PPCS: variants seen among roughly 807,000 people sequenced by gnomAD.
The protein encoded by PPCS is phosphopantothenate--cysteine ligase.
PPCS carries 17 observed loss-of-function variants against 24.6 expected under a neutral mutation model. The observed-to-expected ratio is 0.69, with a 90% CI of 0.47 to 1.04. The LOEUF (loss-of-function observed/expected upper bound fraction) is 1.04. Among genes scored for constraint, PPCS ranks in the 50% least tolerant of loss-of-function variants. The probability of loss-of-function intolerance (pLI) is 0.00; values close to 1 mark genes in which losing one functional copy is unlikely to be tolerated. For synonymous variants in PPCS, 190 were observed against 168.3 expected, an observed-to-expected ratio of 1.13 and a Z score of -1.00; for missense variants, 360 against 402.8, an observed-to-expected ratio of 0.89 and a Z score of 0.91.
downstream of PPCS, chr1:42,463,866 G>C (rs140700587): frequency 6.6e-6 from 1 of 152,226 alleles, no homozygotes; most frequent in African/African-American, 2.4e-5. Context: ...AGATTTGGAG[G>C]CCTTTTGTAT....
At position 42,456,821 on chromosome 1, in the gene PPCS, G is replaced by T; in HGVS notation, c.256G>T (p.Ala86Ser). Residue 86 changes from alanine (A) to serine (S), a missense_variant, in exon 1 of 3, where the codon GCT becomes TCT. This residue lies in a region of PPCS where 244 missense variants were observed against 234.7 expected (regional missense o/e 1.04). Transcript: ENST00000372561. ...CTACGGGGTCCTGTTCTTGTATCGC[G>T]CTCGCTCTGCCTTCCCCTATGCCCA... ...AGYGVLFLYR[A>S]RSAFPYAHRF... 6.2e-7 allele frequency: 1 copy of T among 1,613,350 alleles called. No individual in the cohort carries two copies. Among genetic ancestry groups the T allele is most frequent in the African/African-American group, 1.3e-5 (1 of 75,070 alleles).
In PPCS at chr1:42,457,092, C is replaced by T. The variant is rs781284120; in HGVS notation, c.508+19C>T. The T allele has an allele frequency of 6.3e-6, 10 of 1,579,014 alleles. No individual in the cohort carries two copies. In the Admixed American group the frequency reaches 8.7e-5, roughly 14 times the overall value. On this transcript the variant is annotated intron_variant, in intron 1 of 2. Coordinates refer to ENST00000372561, the MANE Select transcript of PPCS (RefSeq NM_024664.4). The stretch of plus-strand genomic sequence containing the variant: ...CCGCTAGGTGCGTGCCCTAGGAGTA[C>T]CCCTTTTGCCTGGAAGCACAGCCTT...
downstream of PPCS, among the ~76,000 whole-genome samples, chr1:42,462,592 G>A (rs1425676744): frequency 1.3e-5 from 2 of 152,084 alleles, no homozygotes; most frequent in African/African-American, 2.4e-5. Flanking sequence ...CAAAGCAAGG[G>A]CCCCCAAAAC....
chr1:42,456,503 G>C (rs1466389509), upstream of PPCS: 15 of 1,423,312 alleles, frequency 1.1e-5, no homozygotes, highest in African/African-American at 1.5e-5. Context: ...ACACCAGGTA[G>C]GCGAGAAGGG....
At chr1:42,466,133 GAAGA>G (rs1178028452), downstream of PPCS, among the ~76,000 whole-genome samples, 1 of 152,188 alleles carries the variant, frequency 6.6e-6, no homozygotes, top group South Asian at 2.1e-4. Context: ...GTGGAAAATA[GAAGA>G]AAGAAAGGTT....
At chr1:42,470,357 G>T (rs1356833711) in intron 2 of PPCS, among the ~76,000 whole-genome samples, 1 of 151,910 alleles carries the variant, frequency 6.6e-6, no homozygotes. Flanking sequence ...GACCTGCATT[G>T]CTGGTAGGAA....
chr1:42,462,726 G>A (rs1483266368), downstream of PPCS, among the ~76,000 whole-genome samples: 3 of 152,048 alleles, frequency 2.0e-5, no homozygotes, highest in East Asian at 1.9e-4. Context: ...TTACATAGGT[G>A]GGGAAGATAA....
chr1:42,456,503 G>A (rs1466389509), upstream of PPCS: 6 of 1,423,194 alleles, frequency 4.2e-6, no homozygotes, highest in East Asian at 5.3e-5. Flanking sequence ...ACACCAGGTA[G>A]GCGAGAAGGG....
chr1:42,457,178 G>C, intron 1 of PPCS, 69 bp from the exon 2 acceptor site: 1 of 1,602,886 alleles, frequency 6.2e-7, no homozygotes, highest in Non-Finnish European at 8.5e-7. Flanking sequence ...TGGGGAACCC[G>C]AGTTGAGAAG....
chr1:42,469,548 T>A (rs547603520), intron 2 of PPCS, among the ~76,000 whole-genome samples: 2 of 152,162 alleles, frequency 1.3e-5, no homozygotes, highest in Admixed American at 1.3e-4. Flanking sequence ...ACCAGAGATG[T>A]CTTGAGCTGA....
At chr1:42,465,397 T>C (rs1643540985), downstream of PPCS, among the ~76,000 whole-genome samples, 2 of 152,206 alleles carry the variant, frequency 1.3e-5, no homozygotes, top group African/African-American at 4.8e-5. Context: ...GGAATTTCAC[T>C]CTTGTTGCCC....
In PPCS at chr1:42,456,847, C is replaced by T; in HGVS notation, c.282C>T (p.His94=). The change falls in exon 1 of 3, where the codon CAC becomes CAT. Residue 94 remains histidine, a synonymous_variant. Coordinates refer to ENST00000372561, the MANE Select transcript of PPCS (RefSeq NM_024664.4). ...YRARSAFPYA[H]RFPPQTWLSA... is the part of the protein sequence containing the mutation. ...CTCGCTCTGCCTTCCCCTATGCCCA[C>T]CGCTTCCCACCCCAGACTTGGCTGT... 6.2e-7 allele frequency: 1 copy of T among 1,613,586 alleles called. No individual in the cohort carries two copies. Among genetic ancestry groups the T allele is most frequent in the Non-Finnish European group, 8.5e-7 (1 of 1,180,048 alleles).
intron 2 of PPCS, chr1:42,459,252 T>G (rs566201906): frequency 4.9e-6 from 1 of 204,104 alleles, no homozygotes; most frequent in Non-Finnish European, 9.9e-6. Context: ...AGCCTCAACC[T>G]TCCAGGCTCA....
intron 2 of PPCS, among the ~76,000 whole-genome samples, chr1:42,472,177 C>T (rs1643791386): frequency 6.6e-6 from 1 of 152,018 alleles, no homozygotes; most frequent in South Asian, 2.1e-4. Context: ...TCACTTGAAC[C>T]CAGGAGGCAG....
chr1:42,461,550 C>CTT (rs34955190), downstream of PPCS, among the ~76,000 whole-genome samples: 1,051 of 140,574 alleles, frequency 7.5e-3, 10 homozygotes, highest in African/African-American at 0.024. Context: ...TACCCAGGCT[C>CTT]TTTTTTTTTT....
At chr1:42,456,519 G>T (rs1266894343), upstream of PPCS, 1 of 1,435,294 alleles carries the variant, frequency 7.0e-7, no homozygotes, top group East Asian at 2.6e-5. Flanking sequence ...AAGGGGCGTG[G>T]CGCGGCGGCC....
intron 2 of PPCS, among the ~76,000 whole-genome samples, chr1:42,467,284 G>A (rs1302322428): frequency 2.6e-5 from 4 of 152,208 alleles, no homozygotes; most frequent in African/African-American, 4.8e-5. Context: ...TGCTGAGAAT[G>A]GATTGGATGA....
downstream of PPCS, among the ~76,000 whole-genome samples, chr1:42,461,423 ACTC>A (rs1259112534): frequency 4.0e-5 from 6 of 151,754 alleles, no homozygotes; most frequent in East Asian, 1.2e-3. Context: ...GTAATCTTGA[ACTC>A]CTGGACTCAA....
chr1:42,464,729 T>G (rs1237639164), downstream of PPCS, among the ~76,000 whole-genome samples: 2 of 152,266 alleles, frequency 1.3e-5, no homozygotes, highest in Non-Finnish European at 2.9e-5. Context: ...TTGTTGAATC[T>G]TACTATTTCT....
Sources: allele counts gnomAD v4.1 joint callset (sites outside exome capture counted in the v4.1 genomes callset), GRCh38; gene constraint gnomAD v4.1.1; regional missense constraint gnomAD v4.1.1; transcripts MANE v1.5; gene names NCBI Gene and HGNC (gene_info 2026-07-23, HGNC 2026-07-21).